NAV3: variants seen among roughly 807,000 people sequenced by gnomAD.
NAV3 encodes pore membrane and/or filament interacting like protein 1.
In NAV3, 87 loss-of-function variants were observed where a neutral mutation model predicts 244.7. The ratio of observed to expected loss-of-function variants is 0.36; its 90% confidence interval spans 0.30 to 0.42. NAV3 has a LOEUF of 0.42. Among genes scored for constraint, NAV3 ranks in the 20% least tolerant of loss-of-function variants. The probability of loss-of-function intolerance (pLI) is 1.00; values close to 1 mark genes in which losing one functional copy is unlikely to be tolerated. For missense variants in NAV3, 2,663 were observed against 2,893.3 expected, an observed-to-expected ratio of 0.92 and a Z score of 1.83; for synonymous variants, 1,126 against 1,042.2, an observed-to-expected ratio of 1.08 and a Z score of -1.55.
chr12:77,591,721 T>C (rs546036337), intron 2 of NAV3, among the ~76,000 whole-genome samples: 75 of 152,340 alleles, frequency 4.9e-4, no homozygotes, highest in Middle Eastern at 6.8e-3. Flanking sequence ...CATATAAATA[T>C]AAAGATGTAT....
At chr12:78,004,252 CTTA>C (rs1298881095) in intron 7 of NAV3, among the ~76,000 whole-genome samples, 2 of 151,982 alleles carry the variant, frequency 1.3e-5, no homozygotes, top group African/African-American at 2.4e-5. Flanking sequence ...GTATGAAGTA[CTTA>C]TTATGTACTT....
At chr12:77,582,692 TA>T (rs1869421102) in intron 2 of NAV3, among the ~76,000 whole-genome samples, 1 of 152,188 alleles carries the variant, frequency 6.6e-6, no homozygotes, top group African/African-American at 2.4e-5. Flanking sequence ...CCTGGTCTCT[TA>T]GTGGTGCCAG....
intron 2 of NAV3, among the ~76,000 whole-genome samples, chr12:77,780,675 C>T (rs1466980035): frequency 6.6e-6 from 1 of 152,194 alleles, no homozygotes; most frequent in African/African-American, 2.4e-5. Flanking sequence ...GGGGCCTTAT[C>T]TTTCCTGATG....
intron 12 of NAV3, among the ~76,000 whole-genome samples, chr12:78,096,847 C>G (rs1294346310): frequency 1.3e-5 from 2 of 152,146 alleles, no homozygotes; most frequent in Admixed American, 6.5e-5. Context: ...CTGAGCCTTT[C>G]CAGTTACTGT....
chr12:77,847,666 C>A (rs1433186076), intron 1 of NAV3, among the ~76,000 whole-genome samples: 5 of 152,144 alleles, frequency 3.3e-5, no homozygotes, highest in Non-Finnish European at 5.9e-5. Context: ...TTACAAACAC[C>A]ACTATTTTTC....
chr12:77,614,068 TTC>T (rs1319228297), intron 2 of NAV3, among the ~76,000 whole-genome samples: 7 of 146,622 alleles, frequency 4.8e-5, no homozygotes, highest in Non-Finnish European at 8.9e-5. Context: ...TTTCTTTTCT[TTC>T]TCTCTTTTTT....
rs1882675325 is a variant in NAV3, at chr12:78,051,014, A to C, written c.2383A>C (p.Asn795His). 1 of 1,613,978 alleles carries C rather than the reference A, an allele frequency of 6.2e-7. No homozygotes were observed. The highest frequency in any genetic ancestry group is 1.3e-5 in the African/African-American group (1 of 74,890). Reference sequence around the variant, plus strand: ...TCGAGCTGCTGTCTCTAGGCTGGGAAACATGTCACAGATTGACATGAGTGA... The same window carrying C: ...TCGAGCTGCTGTCTCTAGGCTGGGACACATGTCACAGATTGACATGAGTGA... ...LRRAAVSRLG[N>H]MSQIDMSEKA... Residue 795 changes from asparagine to histidine, a missense_variant, in exon 11 of 40, where the codon AAC (asparagine) becomes CAC (histidine). Asn to His is a moderately conservative substitution (Grantham distance 68, BLOSUM62 1). Coordinates refer to ENST00000397909, the MANE Select transcript of NAV3 (RefSeq NM_001024383.2).
Position 77,760,906 on chromosome 12 carries a change from T to A in NAV3, c.73-179413T>A, listed in dbSNP as rs74106534. Among the ~76,000 whole-genome samples, 662 of 152,266 alleles carry A rather than the reference T, an allele frequency of 4.3e-3. 6 individuals are homozygous for A. The highest frequency in any genetic ancestry group is 0.017 in the Middle Eastern group (5 of 294). ...GAACTGAATTTCTAGAAAATAAAATTAATGTGAAGCAATCCCTGACCACTT... is the reference window on the plus strand; with the variant it reads ...GAACTGAATTTCTAGAAAATAAAATAAATGTGAAGCAATCCCTGACCACTT... On this transcript the variant is annotated intron_variant, in intron 2 of 8. Coordinates refer to the NAV3 transcript ENST00000550042.
chr12:77,652,210 T>A (rs779876033), intron 2 of NAV3, among the ~76,000 whole-genome samples: 5 of 152,288 alleles, frequency 3.3e-5, no homozygotes, highest in Non-Finnish European at 7.4e-5. Flanking sequence ...TATCTCCATT[T>A]TACAGATGAG....
intron 1 of NAV3, among the ~76,000 whole-genome samples, chr12:77,922,023 G>A (rs1887758219): frequency 6.6e-6 from 1 of 152,088 alleles, no homozygotes; most frequent in Non-Finnish European, 1.5e-5. Flanking sequence ...ATGACTTAGT[G>A]GAAACAGTGG....
intron 15 of NAV3, among the ~76,000 whole-genome samples, chr12:78,120,364 T>G (rs1445781015): frequency 6.6e-6 from 1 of 152,230 alleles, no homozygotes; most frequent in South Asian, 2.1e-4. Context: ...GTCATTTTCT[T>G]GCTGGCTCTT....
intron 2 of NAV3, among the ~76,000 whole-genome samples, chr12:77,579,225 A>T (rs1869235034): frequency 6.6e-6 from 1 of 152,216 alleles, no homozygotes; most frequent in Non-Finnish European, 1.5e-5. Context: ...CAAACCAAAT[A>T]CTAACCAAAT....
At chr12:77,594,982 G>A (rs1165994868) in intron 2 of NAV3, among the ~76,000 whole-genome samples, 1 of 151,838 alleles carries the variant, frequency 6.6e-6, no homozygotes, top group Non-Finnish European at 1.5e-5. Context: ...TGGCCATTAT[G>A]GAAAAAAAGT....
intron 36 of NAV3, 150 bp from the exon 37 acceptor site, chr12:78,199,185 A>G: frequency 1.4e-6 from 1 of 731,014 alleles, no homozygotes; most frequent in Non-Finnish European, 2.4e-6. Flanking sequence ...AACACCTTTG[A>G]TCATGAAAAG....
chr12:77,755,482 CCTCCCTTT>C (rs1208659145), intron 2 of NAV3, among the ~76,000 whole-genome samples: 3 of 150,480 alleles, frequency 2.0e-5, no homozygotes, highest in African/African-American at 7.3e-5. Context: ...TTCCTCCCTT[CCTCCCTTT>C]CTCTTTCCCT....
chr12:77,686,986 A>G (rs551789894), intron 2 of NAV3, among the ~76,000 whole-genome samples: 33 of 150,618 alleles, frequency 2.2e-4, no homozygotes, highest in African/African-American at 7.6e-4. Flanking sequence ...TCTTTTTTCC[A>G]TAACAATCTT....
chr12:78,102,968 C>T (rs2138239069), intron 12 of NAV3, among the ~76,000 whole-genome samples: 1 of 152,272 alleles, frequency 6.6e-6, no homozygotes, highest in South Asian at 2.1e-4. Flanking sequence ...GCCATGAAGA[C>T]CTATGACATG....
chr12:78,035,374 C>T (rs1879681920), intron 9 of NAV3, among the ~76,000 whole-genome samples: 1 of 152,116 alleles, frequency 6.6e-6, no homozygotes, highest in Admixed American at 6.6e-5. Context: ...CGATAGTCTT[C>T]TTAACTGTCA....
intron 2 of NAV3, among the ~76,000 whole-genome samples, chr12:77,617,992 A>G (rs907222736): frequency 6.6e-6 from 1 of 152,206 alleles, no homozygotes; most frequent in African/African-American, 2.4e-5. Flanking sequence ...GCAGGCCAGA[A>G]GCAAGCTGAC....
Sources: allele counts gnomAD v4.1 joint callset (sites outside exome capture counted in the v4.1 genomes callset), GRCh38; gene constraint gnomAD v4.1.1; transcripts MANE v1.5; gene names NCBI Gene and HGNC (gene_info 2026-07-23, HGNC 2026-07-21).